CBLB: variants seen among roughly 807,000 people sequenced by gnomAD.
CBLB encodes the protein Cbl proto-oncogene B, also known as E3 ubiquitin-protein ligase CBL-B.
Under a neutral mutation model 104.9 loss-of-function variants are expected in CBLB, and 31 were observed. The observed-to-expected ratio is 0.30, with a 90% CI of 0.22 to 0.40. The LOEUF (loss-of-function observed/expected upper bound fraction) is 0.40. Ranked by LOEUF, CBLB falls within the 10% of genes least tolerant of loss-of-function variation. CBLB has a pLI of 1.00. For synonymous variants in CBLB, 440 were observed against 422.6 expected (o/e 1.04, Z -0.51); for missense variants, 1,062 against 1,214.6 (o/e 0.87, Z 1.87).
chr3:105,695,712 T>C (rs2068278185), intron 12 of CBLB, among the ~76,000 whole-genome samples: 1 of 151,848 alleles, frequency 6.6e-6, no homozygotes, highest in Non-Finnish European at 1.5e-5. Context: ...ACTGAAATGC[T>C]GTAGTGTCTT....
chr3:105,753,397 T>G (rs1230329448), intron 4 of CBLB, among the ~76,000 whole-genome samples: 1 of 151,878 alleles, frequency 6.6e-6, no homozygotes, highest in Non-Finnish European at 1.5e-5. Flanking sequence ...GGAACACTTT[T>G]AAGAATATTA....
chr3:105,679,566 A>G (rs2066061156), intron 16 of CBLB, among the ~76,000 whole-genome samples: 1 of 152,084 alleles, frequency 6.6e-6, no homozygotes, highest in Non-Finnish European at 1.5e-5. Flanking sequence ...TCATGAGGTC[A>G]GGAGATCTAG....
At chr3:105,695,305 A>G (rs964346547) in intron 12 of CBLB, among the ~76,000 whole-genome samples, 3 of 151,844 alleles carry the variant, frequency 2.0e-5, no homozygotes, top group Non-Finnish European at 3.0e-5. Context: ...TTAACAATAA[A>G]CCAACTATGA....
At chr3:105,724,797 C>T (rs1285354907) in intron 9 of CBLB, among the ~76,000 whole-genome samples, 1 of 152,068 alleles carries the variant, frequency 6.6e-6, no homozygotes, top group Non-Finnish European at 1.5e-5. Flanking sequence ...AAATTCCAGG[C>T]ACTGTTGTAA....
intron 16 of CBLB, among the ~76,000 whole-genome samples, chr3:105,680,817 T>G (rs1031433763): frequency 3.9e-5 from 6 of 152,188 alleles, no homozygotes; most frequent in African/African-American, 1.2e-4. Context: ...ACATTCTGTC[T>G]TCTAAAAACA....
intron 9 of CBLB, among the ~76,000 whole-genome samples, chr3:105,727,904 A>C (rs1159548782): frequency 6.6e-6 from 1 of 152,090 alleles, no homozygotes; most frequent in Admixed American, 6.6e-5. Flanking sequence ...TGGTCTAGAT[A>C]TCTGTTTTGG....
intron 9 of CBLB, among the ~76,000 whole-genome samples, chr3:105,733,611 C>A (rs1343123665): frequency 1.3e-5 from 2 of 152,112 alleles, no homozygotes; most frequent in Non-Finnish European, 2.9e-5. Context: ...CATGCCTCCT[C>A]AGGAGTAAAG....
chr3:105,718,702 T>C lies in CBLB; in HGVS notation c.1407+1345A>G, dbSNP rs377111687. Among the ~76,000 whole-genome samples, 15 of 152,310 alleles carry C rather than the reference T, an allele frequency of 9.8e-5. No individual in the cohort carries two copies. The East Asian group carries it at 2.3e-3, about 24-fold the overall frequency. On this transcript the variant is annotated intron_variant, in intron 10 of 18. Transcript: ENST00000394030. The stretch of plus-strand genomic sequence containing the variant: ...TTCAGGGCTGTGTTGAAAGGCTCTG[T>C]TGGCCAAGTCTGAACTCAGCGGCGG...
At chr3:105,834,394 T>C (rs971527734) in intron 3 of CBLB, among the ~76,000 whole-genome samples, 2 of 152,162 alleles carry the variant, frequency 1.3e-5, no homozygotes, top group Non-Finnish European at 2.9e-5. Context: ...CGGTAGCTCA[T>C]GCCTGTAATC....
At chr3:105,755,016 C>CTTTTTTTTTTTTTT (rs67405809) in intron 4 of CBLB, among the ~76,000 whole-genome samples, 1 of 143,834 alleles carries the variant, frequency 7.0e-6, no homozygotes, top group Non-Finnish European at 1.5e-5. Flanking sequence ...AGTATCTTTT[C>CTTTTTTTTTTTTTT]TTTTTTTTTT....
rs1257540487 is a variant in CBLB at position 105,867,320 on chromosome 3, G to T, written c.168+90C>A. On this transcript the variant is annotated intron_variant, in intron 2 of 18. Coordinates refer to ENST00000394030, the MANE Select transcript of CBLB (RefSeq NM_170662.5). ...TCAAAAGATTGTTGCCATAACAATG[G>T]TTGGTATTAATTAACAGTATAAATA... 3.5e-6 allele frequency: 4 copies of T among 1,134,950 alleles called. No individual in the cohort carries two copies. The African/African-American group carries it at 4.6e-5, about 13-fold the overall frequency. The allele number at this position is 1,134,950 out of a possible 1,614,324, so 70.3% of individuals were successfully genotyped here.
At chr3:105,676,984 C>T (rs2065723327) in intron 17 of CBLB, among the ~76,000 whole-genome samples, 1 of 152,188 alleles carries the variant, frequency 6.6e-6, no homozygotes, top group Admixed American at 6.5e-5. Flanking sequence ...CCTCCCCAGG[C>T]ATGCAGAACT....
intron 3 of CBLB, among the ~76,000 whole-genome samples, chr3:105,816,294 G>A (rs1301510012): frequency 2.6e-5 from 4 of 152,038 alleles, no homozygotes; most frequent in Admixed American, 2.6e-4. Context: ...TAAATTGACT[G>A]CCCTTATTAA....
intron 4 of CBLB, among the ~76,000 whole-genome samples, chr3:105,763,572 G>T (rs2077899471): frequency 6.6e-6 from 1 of 152,178 alleles, no homozygotes; most frequent in South Asian, 2.1e-4. Flanking sequence ...CACCACGATT[G>T]TGAGGTCTCC....
intron 3 of CBLB, among the ~76,000 whole-genome samples, chr3:105,813,616 G>A (rs1020945194): frequency 1.3e-5 from 2 of 151,990 alleles, no homozygotes; most frequent in African/African-American, 2.4e-5. Flanking sequence ...GTCTTTAAAG[G>A]TTTGTAAGGT....
At chr3:105,749,223 G>T (rs1016445408) in intron 5 of CBLB, among the ~76,000 whole-genome samples, 2 of 152,062 alleles carry the variant, frequency 1.3e-5, no homozygotes, top group African/African-American at 4.8e-5. Context: ...GAAATAAATG[G>T]AATGATGAAT....
chr3:105,722,825 G>GA (rs2073077078), intron 9 of CBLB, among the ~76,000 whole-genome samples: 2 of 152,060 alleles, frequency 1.3e-5, no homozygotes, highest in African/African-American at 2.4e-5. Context: ...TATAGCACAA[G>GA]AAAAAACAAA....
intron 3 of CBLB, among the ~76,000 whole-genome samples, chr3:105,841,238 G>A (rs1209058767): frequency 6.7e-6 from 1 of 148,974 alleles, no homozygotes; most frequent in African/African-American, 2.5e-5. Context: ...GGAGGTTGCA[G>A]TGAGCCGAGA....
chr3:105,754,973 AC>A (rs1434011806), intron 4 of CBLB, among the ~76,000 whole-genome samples: 1 of 152,128 alleles, frequency 6.6e-6, no homozygotes, highest in African/African-American at 2.4e-5. Flanking sequence ...CTACCAAAAA[AC>A]AATAGTAATC....
Sources: gnomAD v4.1 joint callset for allele counts (sites outside exome capture counted in the v4.1 genomes callset) on GRCh38, gnomAD v4.1.1 for gene constraint, MANE v1.5 for transcripts, NCBI Gene and HGNC (gene_info 2026-07-23, HGNC 2026-07-21) for gene names.